The following CCDC126 variants were observed in gnomAD, a reference collection of about 807,000 sequenced individuals.
CCDC126 encodes the protein coiled-coil domain containing 126.
Under a neutral mutation model 11.7 loss-of-function variants are expected in CCDC126, and 5 were observed. The ratio of observed to expected loss-of-function variants is 0.43; its 90% CI spans 0.22 to 0.90. The LOEUF is 0.90. CCDC126 is among the 40% of genes least tolerant of loss of function. The probability of loss-of-function intolerance (pLI) is 0.27; values close to 1 mark genes in which losing one functional copy is unlikely to be tolerated. For synonymous variants in CCDC126, 60 were observed against 61.9 expected, an observed-to-expected ratio of 0.97 and a Z score of 0.14; for missense variants, 150 against 163.1, an observed-to-expected ratio of 0.92 and a Z score of 0.44.
intron 2 of CCDC126, among the ~76,000 whole-genome samples, chr7:23,599,983 C>G (rs1203951780): frequency 6.6e-6 from 1 of 152,116 alleles, no homozygotes; most frequent in African/African-American, 2.4e-5. Flanking sequence ...TGGGGTTTCA[C>G]CATGTTGACC....
At chr7:23,607,975 G>A (rs1782648571) in intron 2 of CCDC126, among the ~76,000 whole-genome samples, 1 of 152,198 alleles carries the variant, frequency 6.6e-6, no homozygotes, top group African/African-American at 2.4e-5. Context: ...TGGAGAGAGG[G>A]ACAAAGGGAA....
intron 2 of CCDC126, among the ~76,000 whole-genome samples, chr7:23,604,509 C>T (rs1480686910): frequency 2.0e-5 from 3 of 151,960 alleles, no homozygotes; most frequent in African/African-American, 4.8e-5. Flanking sequence ...ACTCAGATTA[C>T]CAAGAATTAG....
At chr7:23,637,540 C>T (rs1783254810) in intron 3 of CCDC126, among the ~76,000 whole-genome samples, 1 of 47,792 alleles carries the variant, frequency 2.1e-5, no homozygotes, top group African/African-American at 9.3e-5. Context: ...GGGGGATCAG[C>T]CCCCCGCCTG....
At chr7:23,603,061 C>CT (rs1325064963) in intron 2 of CCDC126, among the ~76,000 whole-genome samples, 40 of 152,262 alleles carry the variant, frequency 2.6e-4, no homozygotes, top group Middle Eastern at 3.4e-3. Context: ...GAGCCTAGGC[C>CT]TTTATGCACT....
At chr7:23,625,692 G>A (rs576175951) in intron 3 of CCDC126, among the ~76,000 whole-genome samples, 3 of 107,832 alleles carry the variant, frequency 2.8e-5, no homozygotes, top group African/African-American at 3.8e-5. Flanking sequence ...GTCTTGCTCT[G>A]TTGCCCAGGC....
intron 2 of CCDC126, among the ~76,000 whole-genome samples, chr7:23,604,500 C>G (rs1211245337): frequency 6.6e-6 from 1 of 151,992 alleles, no homozygotes. Context: ...CCTAATGTTA[C>G]TCAGATTACC....
chr7:23,610,284 T>G (rs1468447891), intron 2 of CCDC126, among the ~76,000 whole-genome samples: 1 of 152,250 alleles, frequency 6.6e-6, no homozygotes, highest in Non-Finnish European at 1.5e-5. Context: ...TGATCATGGC[T>G]CACTGTACCC....
intron 2 of CCDC126, among the ~76,000 whole-genome samples, chr7:23,606,405 A>AT (rs112157361): frequency 3.3e-5 from 5 of 150,998 alleles, no homozygotes; most frequent in East Asian, 1.9e-4. Context: ...GAGGTTGAGC[A>AT]TTTTTTTTTA....
chr7:23,624,275 A>G lies in CCDC126; in HGVS notation c.238+12722A>G, dbSNP rs150399485. Among the ~76,000 whole-genome samples the G allele has an allele frequency of 2.9e-3, 443 of 152,270 alleles. 3 individuals carry two copies. The highest frequency in any genetic ancestry group is 8.7e-3 in the African/African-American group (363 of 41,558). On this transcript the variant is annotated intron_variant, in intron 3 of 3. Transcript: ENST00000307471. ...TCTAAATGCCTGTGTTCACTTCACC[A>G]TCTTTACCTGGGAATGCCCTGGACA...
intron 3 of CCDC126, among the ~76,000 whole-genome samples, chr7:23,629,052 A>G (rs1332558393): frequency 3.3e-5 from 5 of 152,240 alleles, no homozygotes; most frequent in Admixed American, 3.3e-4. Flanking sequence ...GAGTCTCATA[A>G]TATGAAAATG....
At position 23,640,991 on chromosome 7, in the gene CCDC126, G is replaced by GATTTTTTTTTTTTTTTT. The variant is rs754297249; in HGVS notation, c.239-1940_239-1939insATTTTTTTTTTTTTTTT. ...ATCCCTCTGAGCTCTGAATCCTTTT[G>GATTTTTTTTTTTTTTTT]GTTTTTTTTTTTTTTTTTTTTTTTG... On this transcript the variant is annotated intron_variant, in intron 3 of 3. Coordinates refer to ENST00000307471, the MANE Select transcript of CCDC126 (RefSeq NM_138771.4). 6.3e-5 allele frequency among the ~76,000 whole-genome samples: 7 copies of GATTTTTTTTTTTTTTTT among 111,000 alleles called. 2 individuals carry two copies. The highest frequency in any genetic ancestry group is 1.1e-4 in the African/African-American group (3 of 26,644). 72.8% of individuals were successfully genotyped at this position (111,000 alleles called of 152,430 possible).
intron 3 of CCDC126, among the ~76,000 whole-genome samples, chr7:23,642,343 TC>T (rs1347607915): frequency 2.0e-5 from 3 of 152,162 alleles, no homozygotes; most frequent in Non-Finnish European, 4.4e-5. Context: ...AATGAGTTAC[TC>T]ACAGCGGGAC....
At position 23,638,225 on chromosome 7, in the gene CCDC126, C is replaced by G. The variant is rs1203695667; in HGVS notation, c.239-4706C>G. On this transcript the variant is annotated intron_variant, in intron 3 of 3. Transcript: ENST00000307471. The stretch of plus-strand genomic sequence containing the variant: ...CCCGTCTGGGAGGTGTGCCTAGCGA[C>G]TCATTGGGGATGGGCCATGATGACA... Among the ~76,000 whole-genome samples, 11 of 152,136 alleles carry G rather than the reference C, an allele frequency of 7.2e-5. No homozygotes were observed. In the East Asian group the frequency reaches 2.1e-3, roughly 30 times the overall value.
chr7:23,604,511 A>G (rs770182700), intron 2 of CCDC126, among the ~76,000 whole-genome samples: 5 of 152,202 alleles, frequency 3.3e-5, no homozygotes, highest in Non-Finnish European at 7.3e-5. Context: ...TCAGATTACC[A>G]AGAATTAGTA....
intron 3 of CCDC126, chr7:23,622,943 C>T: frequency 4.8e-6 from 1 of 210,394 alleles, no homozygotes; most frequent in South Asian, 6.6e-5. Context: ...CTGCTGTGAG[C>T]TGAGGATGGT....
In CCDC126 at chr7:23,611,547, G is replaced by A; in HGVS notation, c.232G>A (p.Gly78Arg). Residue 78 changes from glycine to arginine, a missense_variant, in exon 3 of 4, where the codon GGA becomes AGA. Transcript: ENST00000307471. ...VDVENGASMAGYADLKRTIAV... is the reference protein window; with the variant it reads ...VDVENGASMARYADLKRTIAV... ...TGTCGAGAACGGTGCTTCTATGGCAGGATATGGTAAGATAACCGTAGAATA... is the reference window on the plus strand; with the variant it reads ...TGTCGAGAACGGTGCTTCTATGGCAAGATATGGTAAGATAACCGTAGAATA... 1 of 1,597,302 alleles carries A rather than the reference G, an allele frequency of 6.3e-7. No homozygotes were observed. The highest frequency in any genetic ancestry group is 8.6e-7 in the Non-Finnish European group (1 of 1,164,914).
chr7:23,602,433 T>C (rs999616107), intron 2 of CCDC126, among the ~76,000 whole-genome samples: 1 of 152,230 alleles, frequency 6.6e-6, no homozygotes, highest in Non-Finnish European at 1.5e-5. Flanking sequence ...CCATATCAGA[T>C]CATTACTATT....
chr7:23,612,017 G>A (rs1782720456), intron 3 of CCDC126, among the ~76,000 whole-genome samples: 1 of 151,922 alleles, frequency 6.6e-6, no homozygotes, highest in South Asian at 2.1e-4. Flanking sequence ...ATGGTGGCAC[G>A]TGCTTGTAGT....
chr7:23,625,246 T>C (rs548137151), intron 3 of CCDC126, among the ~76,000 whole-genome samples: 6 of 152,150 alleles, frequency 3.9e-5, no homozygotes, highest in Non-Finnish European at 8.8e-5. Flanking sequence ...GGTGTATTTG[T>C]GTGTATGAAA....
Sources: gnomAD v4.1 joint callset for allele counts (sites outside exome capture counted in the v4.1 genomes callset) on GRCh38, gnomAD v4.1.1 for gene constraint, MANE v1.5 for transcripts, NCBI Gene and HGNC (gene_info 2026-07-23, HGNC 2026-07-21) for gene names.